KCNK3: variants seen among roughly 807,000 people sequenced by gnomAD.
KCNK3 encodes the protein potassium channel subfamily K member 3.
Under a neutral mutation model 27.3 loss-of-function variants are expected in KCNK3, and 9 were observed. That is an observed-to-expected ratio of 0.33 (90% confidence interval 0.20 to 0.57). The LOEUF (loss-of-function observed/expected upper bound fraction) is 0.57. Among genes scored for constraint, KCNK3 ranks in the 20% least tolerant of loss-of-function variants. The pLI is 0.87. For synonymous variants in KCNK3, 278 were observed against 273.8 expected, an observed-to-expected ratio of 1.02 and a Z score of -0.15; for missense variants, 391 against 577.7, an observed-to-expected ratio of 0.68 and a Z score of 3.31.
At chr2:26,723,282 C>T (rs1336182211) in intron 1 of KCNK3, among the ~76,000 whole-genome samples, 2 of 152,210 alleles carry the variant, frequency 1.3e-5, no homozygotes, top group Non-Finnish European at 2.9e-5. Context: ...CCATCCCCAC[C>T]CCGCATCTCC....
At chr2:26,726,100 CACACACAGAGAGAG>C (rs1323838321) in intron 1 of KCNK3, among the ~76,000 whole-genome samples, 33 of 109,764 alleles carry the variant, frequency 3.0e-4, no homozygotes, top group African/African-American at 1.2e-3. Flanking sequence ...CACACACACA[CACACACAGAGAGAG>C]AGAGAGAGAG....
intron 1 of KCNK3, among the ~76,000 whole-genome samples, chr2:26,706,390 G>A (rs1291830395): frequency 2.0e-5 from 3 of 152,150 alleles, no homozygotes; most frequent in Non-Finnish European, 4.4e-5. Flanking sequence ...CTCACTGCCT[G>A]CTCTCAAACA....
intron 1 of KCNK3, among the ~76,000 whole-genome samples, chr2:26,712,739 T>C (rs1449811696): frequency 6.6e-6 from 1 of 151,596 alleles, no homozygotes; most frequent in Non-Finnish European, 1.5e-5. Context: ...GGTGGGGACC[T>C]CATGTCTGCA....
chr2:26,698,586 T>C (rs1413965051), intron 1 of KCNK3, among the ~76,000 whole-genome samples: 1 of 152,202 alleles, frequency 6.6e-6, no homozygotes, highest in Non-Finnish European at 1.5e-5. Flanking sequence ...ATTACTTGCC[T>C]TACCAAGGAA....
chr2:26,698,835 C>A (rs1157661732), intron 1 of KCNK3, among the ~76,000 whole-genome samples: 1 of 152,140 alleles, frequency 6.6e-6, no homozygotes, highest in Non-Finnish European at 1.5e-5. Context: ...GTGGCTCATA[C>A]CTGTAATCCC....
chr2:26,732,670 G>T lies in KCNK3; in HGVS notation c.*4102G>T, dbSNP rs1663561757. The T allele has an allele frequency of 1.3e-5, 2 of 152,232 alleles. No individual in the cohort carries two copies. The highest frequency in any genetic ancestry group is 1.5e-5 in the Non-Finnish European group (1 of 68,052). 9.4% of individuals were successfully genotyped at this position (152,232 alleles called of 1,614,324 possible). A position where few individuals can be genotyped will look rare whatever the true frequency, so the allele number is the denominator to read the frequency against. ...TGCCATTGACTCACCCACTCCTAAG[G>T]CCACCACATCAAAATCTGAGGCTTA... On this transcript the variant is annotated 3_prime_UTR_variant, in exon 2 of 2. Coordinates refer to ENST00000302909, the MANE Select transcript of KCNK3 (RefSeq NM_002246.3).
rs1445340115 is a variant in KCNK3, at chr2:26,728,470, T to G, written c.1087T>G (p.Cys363Gly). ...CGACACGCCCTCGCGACGCTGCCTGTGCAGCGGGGCGCCACGCTCCGCCAT... is the reference window on the plus strand; with the variant it reads ...CGACACGCCCTCGCGACGCTGCCTGGGCAGCGGGGCGCCACGCTCCGCCAT... The part of the protein sequence containing the change: ...YSDTPSRRCL[C>G]SGAPRSAISS... The change falls in exon 2 of 2, where the codon TGC becomes GGC. Residue 363 changes from cysteine (C) to glycine (G), a missense_variant. This residue lies in a region of KCNK3 where 192 missense variants were observed against 196.0 expected (regional missense o/e 0.98). Coordinates refer to ENST00000302909, the MANE Select transcript of KCNK3 (RefSeq NM_002246.3). 1 of 1,560,638 alleles carries G rather than the reference T, an allele frequency of 6.4e-7. No individual in the cohort carries two copies. The highest frequency in any genetic ancestry group is 1.4e-5 in the African/African-American group (1 of 72,900).
rs201319916 is a variant in KCNK3, at chr2:26,699,251, A to AAGAAAGAAAGAAAGAAAGCC, written c.283+6095_283+6096insAAAGAAAGAAAGAAAGCCAG. ...AAAGAAAGAAAGAAAGAAAGAAAGAAAGCCAGCCAAGGAGAAAGGTACACG... is the reference window on the plus strand; with the variant it reads ...AAAGAAAGAAAGAAAGAAAGAAAGAAAGAAAGAAAGAAAGAAAGCCAGCCAGCCAAGGAGAAAGGTACACG... On this transcript the variant is annotated intron_variant, in intron 1 of 1. Transcript: ENST00000302909. Among the ~76,000 whole-genome samples, 5 of 134,352 alleles carry AAGAAAGAAAGAAAGAAAGCC rather than the reference A, an allele frequency of 3.7e-5. No individual in the cohort carries two copies. The East Asian group carries it at 1.2e-3, about 33-fold the overall frequency. The allele number at this position is 134,352 out of a possible 152,430, so 88.1% of individuals were successfully genotyped here.
chr2:26,702,533 G>T (rs1670320910), intron 1 of KCNK3, among the ~76,000 whole-genome samples: 1 of 152,272 alleles, frequency 6.6e-6, no homozygotes, highest in Non-Finnish European at 1.5e-5. Context: ...AGTGGGTAAA[G>T]CTCATAGAAA....
chr2:26,697,464 C>A (rs1447151317), intron 1 of KCNK3, among the ~76,000 whole-genome samples: 1 of 152,202 alleles, frequency 6.6e-6, no homozygotes, highest in African/African-American at 2.4e-5. Context: ...GAGATCGCAC[C>A]ATTGCACTCC....
chr2:26,728,335 C>G lies in KCNK3; in HGVS notation c.952C>G (p.Arg318Gly). The G allele has an allele frequency of 6.2e-7, 1 of 1,604,412 alleles. No individual in the cohort carries two copies. Among genetic ancestry groups the G allele is most frequent in the South Asian group, 1.1e-5 (1 of 89,532 alleles). The change falls in exon 2 of 2, where the codon CGC becomes GGC. Residue 318 changes from arginine to glycine, a missense_variant. Around this residue, in one of 4 missense-constraint regions of KCNK3, gnomAD observed 192 missense variants for 196.0 expected, o/e 0.98. Coordinates refer to ENST00000302909, the MANE Select transcript of KCNK3 (RefSeq NM_002246.3). ...GTGCTCGTGCCTGTGGTACAAGAGC[C>G]GCGAGAAGCTGCAGTACTCCATCCC... ...SMCSCLWYKS[R>G]EKLQYSIPMI...
In KCNK3 at chr2:26,729,852, A is replaced by AAT. The variant is rs11454167; in HGVS notation, c.*1284_*1285insAT. On this transcript the variant is annotated 3_prime_UTR_variant, in exon 2 of 2. Coordinates refer to ENST00000302909, the MANE Select transcript of KCNK3 (RefSeq NM_002246.3). The stretch of plus-strand genomic sequence containing the variant: ...CCCTGTCTCAAAAAAAAAAAAAAAA[A>AAT]TGGCAAAGGGAGACAAGAGCCCAGC... 48 of 150,778 alleles carry AAT rather than the reference A, an allele frequency of 3.2e-4. No individual in the cohort carries two copies. Among genetic ancestry groups the AAT allele is most frequent in the African/African-American group, 1.1e-3 (46 of 40,856 alleles). The allele number at this position is 150,778 out of a possible 1,614,324, so 9.3% of individuals were successfully genotyped here. A position where few individuals can be genotyped will look rare whatever the true frequency, so the allele number is the denominator to read the frequency against.
chr2:26,707,304 G>A (rs1309522285), intron 1 of KCNK3, among the ~76,000 whole-genome samples: 3 of 152,190 alleles, frequency 2.0e-5, no homozygotes, highest in African/African-American at 7.2e-5. Context: ...CACTGGTGCT[G>A]AGGGCAGGCT....
At chr2:26,707,538 C>T (rs1215879816) in intron 1 of KCNK3, among the ~76,000 whole-genome samples, 1 of 152,224 alleles carries the variant, frequency 6.6e-6, no homozygotes, top group African/African-American at 2.4e-5. Flanking sequence ...TTCTCAGGGT[C>T]AGGGCTTAGC....
At position 26,728,605 on chromosome 2, in the gene KCNK3, C is replaced by T. The variant is rs939853530; in HGVS notation, c.*37C>T. 21 of 1,406,718 alleles carry T rather than the reference C, an allele frequency of 1.5e-5. No individual in the cohort carries two copies. Among genetic ancestry groups the T allele is most frequent in the Non-Finnish European group, 1.9e-5 (21 of 1,080,880 alleles). The allele number at this position is 1,406,718 out of a possible 1,614,324, so 87.1% of individuals were successfully genotyped here. A position where few individuals can be genotyped will look rare whatever the true frequency, so the allele number is the denominator to read the frequency against. On this transcript the variant is annotated 3_prime_UTR_variant, in exon 2 of 2. Coordinates refer to ENST00000302909, the MANE Select transcript of KCNK3 (RefSeq NM_002246.3). Reference sequence around the variant, plus strand: ...GGCCTGGAGCACCTGGGGGCGCGGGCGGGGGACCCCTGCTGGGAGGCCAGG... The same window carrying T: ...GGCCTGGAGCACCTGGGGGCGCGGGTGGGGGACCCCTGCTGGGAGGCCAGG...
chr2:26,722,287 G>A (rs1572613260), intron 1 of KCNK3, among the ~76,000 whole-genome samples: 1 of 152,336 alleles, frequency 6.6e-6, no homozygotes, highest in East Asian at 1.9e-4. Context: ...TGGTATTTCA[G>A]AAAAATAACT....
In KCNK3 at chr2:26,714,915, A is replaced by AAATAAATAAATG. The variant is rs370313457; in HGVS notation, c.284-12751_284-12750insATAAATAAATGA. On this transcript the variant is annotated intron_variant, in intron 1 of 1. Coordinates refer to ENST00000302909, the MANE Select transcript of KCNK3 (RefSeq NM_002246.3). ...TAAATAAATAAATAAATAAATAAATAAGGAGGGATGCATCAAGGTCCCCTT... is the reference window on the plus strand; with the variant it reads ...TAAATAAATAAATAAATAAATAAATAAATAAATAAATGAGGAGGGATGCATCAAGGTCCCCTT... Among the ~76,000 whole-genome samples the AAATAAATAAATG allele has an allele frequency of 3.2e-3, 480 of 151,790 alleles. 3 individuals are homozygous for AAATAAATAAATG. The highest frequency in any genetic ancestry group is 0.011 in the African/African-American group (464 of 41,440).
chr2:26,711,052 T>C (rs1394173918), intron 1 of KCNK3, among the ~76,000 whole-genome samples: 1 of 152,162 alleles, frequency 6.6e-6, no homozygotes, highest in Non-Finnish European at 1.5e-5. Flanking sequence ...GTGCCGGAGC[T>C]AACCAGCCCC....
At chr2:26,718,125 C>T (rs1374875421) in intron 1 of KCNK3, among the ~76,000 whole-genome samples, 1 of 152,052 alleles carries the variant, frequency 6.6e-6, no homozygotes, top group Non-Finnish European at 1.5e-5. Context: ...CTCCGCTTCC[C>T]TCTAGCTCAG....
Sources: gnomAD v4.1 joint callset for allele counts (sites outside exome capture counted in the v4.1 genomes callset) on GRCh38, gnomAD v4.1.1 for gene constraint, gnomAD v4.1.1 regional missense constraint, MANE v1.5 for transcripts, NCBI Gene and HGNC (gene_info 2026-07-23, HGNC 2026-07-21) for gene names.